The following MAP2 variants were observed in gnomAD, a reference collection of about 807,000 sequenced individuals.
The protein encoded by MAP2 is microtubule-associated protein 2.
Under a neutral mutation model 137.6 loss-of-function variants are expected in MAP2, and 14 were observed. The observed-to-expected ratio is 0.10, with a 90% CI of 0.07 to 0.16. The LOEUF (loss-of-function observed/expected upper bound fraction) is 0.16, where lower values mean the gene tolerates loss of function less well. Ranked by LOEUF, MAP2 falls within the 10% of genes least tolerant of loss-of-function variation. The pLI is 1.00. For synonymous variants in MAP2, 786 were observed against 782.3 expected, an observed-to-expected ratio of 1.00 and a Z score of -0.08; for missense variants, 2,088 against 2,191.5, an observed-to-expected ratio of 0.95 and a Z score of 0.94.
intron 7 of MAP2, among the ~76,000 whole-genome samples, chr2:209,688,695 G>A (rs1191932493): frequency 6.6e-6 from 1 of 152,148 alleles, no homozygotes; most frequent in Non-Finnish European, 1.5e-5. Context: ...TAGGTGATGG[G>A]CTGCAATGTG....
At position 209,653,188 on chromosome 2, in the gene MAP2, A is replaced by C; in HGVS notation, c.18A>C (p.Lys6Asn). The C allele has an allele frequency of 6.3e-7, 1 of 1,598,462 alleles. No homozygotes were observed. Among genetic ancestry groups the C allele is most frequent in the East Asian group, 2.2e-5 (1 of 44,700 alleles). MADERKDEAKAPHWTS... is the reference protein window; with the variant it reads MADERNDEAKAPHWTS... ...ATTGAAGAATGGCAGATGAACGGAA[A>C]GATGAAGCAAAGGCACCTCACTGGA... Residue 6 changes from lysine to asparagine, a missense_variant, in exon 5 of 16, where the codon AAA becomes AAC. Coordinates refer to ENST00000682079, the MANE Select transcript of MAP2 (RefSeq NM_001375505.1).
At chr2:209,506,900 A>G (rs745631081) in intron 1 of MAP2, among the ~76,000 whole-genome samples, 20 of 152,176 alleles carry the variant, frequency 1.3e-4, no homozygotes, top group Non-Finnish European at 2.9e-4. Context: ...AAAGAACAGA[A>G]ATTTATTTTT....
chr2:209,454,864 A>G (rs760297840), intron 1 of MAP2, among the ~76,000 whole-genome samples: 1 of 152,166 alleles, frequency 6.6e-6, no homozygotes, highest in Non-Finnish European at 1.5e-5. Flanking sequence ...AAAATACCAT[A>G]GATTGTGTGT....
intron 1 of MAP2, among the ~76,000 whole-genome samples, chr2:209,470,876 G>C (rs541242645): frequency 6.6e-6 from 1 of 152,096 alleles, no homozygotes; most frequent in African/African-American, 2.4e-5. Context: ...ACACAAACAC[G>C]GTCTTGCTTT....
At chr2:209,588,442 T>A (rs917087266) in intron 3 of MAP2, among the ~76,000 whole-genome samples, 3 of 152,210 alleles carry the variant, frequency 2.0e-5, no homozygotes, top group Non-Finnish European at 4.4e-5. Context: ...AAAAGCCAGA[T>A]GTACATTGAT....
At chr2:209,558,422 C>T (rs2071185170) in intron 2 of MAP2, among the ~76,000 whole-genome samples, 1 of 152,074 alleles carries the variant, frequency 6.6e-6, no homozygotes, top group Non-Finnish European at 1.5e-5. Flanking sequence ...CTCTTGACCT[C>T]AGGTGATCTG....
chr2:209,583,403 T>A (rs1030160712), intron 3 of MAP2, among the ~76,000 whole-genome samples: 2 of 152,118 alleles, frequency 1.3e-5, no homozygotes, highest in African/African-American at 4.8e-5. Context: ...TTGAATTGCA[T>A]AATCTATATA....
At position 209,705,574 on chromosome 2, in the gene MAP2, A is replaced by T; in HGVS notation, c.4585-6A>T. The T allele has an allele frequency of 6.3e-7, 1 of 1,596,224 alleles. No homozygotes were observed. The highest frequency in any genetic ancestry group is 8.5e-7 in the Non-Finnish European group (1 of 1,172,778). On this transcript the variant is annotated splice_polypyrimidine_tract_variant and splice_region_variant and intron_variant, in intron 11 of 15. Coordinates refer to ENST00000682079, the MANE Select transcript of MAP2 (RefSeq NM_001375505.1). The stretch of plus-strand genomic sequence containing the variant: ...ACCCAATGTTCTTTTTGTTTTCTCC[A>T]ATCAGGACGGAGTAACCAAGAGCCC...
intron 2 of MAP2, among the ~76,000 whole-genome samples, chr2:209,554,297 G>C (rs1333180801): frequency 6.6e-6 from 1 of 152,106 alleles, no homozygotes; most frequent in African/African-American, 2.4e-5. Flanking sequence ...GAAATCCCCT[G>C]TTTATTCTGC....
chr2:209,484,973 C>A (rs1024134553), intron 1 of MAP2, among the ~76,000 whole-genome samples: 15 of 152,200 alleles, frequency 9.9e-5, no homozygotes, highest in Admixed American at 9.8e-4. Context: ...AACGCGATAG[C>A]AGTTGTGCAC....
chr2:209,518,905 T>A (rs557620061), intron 2 of MAP2, among the ~76,000 whole-genome samples: 1 of 152,222 alleles, frequency 6.6e-6, no homozygotes, highest in Non-Finnish European at 1.5e-5. Flanking sequence ...AGCTTGTTTA[T>A]AATTAAAGAT....
chr2:209,531,800 G>T (rs1340278426), intron 2 of MAP2, among the ~76,000 whole-genome samples: 1 of 152,120 alleles, frequency 6.6e-6, no homozygotes, highest in Non-Finnish European at 1.5e-5. Context: ...ATGGTATTGG[G>T]CATTGACCAA....
chr2:209,616,926 A>G (rs1437779750), intron 3 of MAP2, among the ~76,000 whole-genome samples: 1 of 152,210 alleles, frequency 6.6e-6, no homozygotes, highest in Non-Finnish European at 1.5e-5. Flanking sequence ...TCTCATAATT[A>G]TAGACTAGGC....
intron 4 of MAP2, among the ~76,000 whole-genome samples, chr2:209,639,915 G>C (rs925158484): frequency 6.6e-6 from 1 of 152,064 alleles, no homozygotes; most frequent in Admixed American, 6.6e-5. Context: ...GGGAGACATA[G>C]AGTAGAGAGG....
At chr2:209,567,980 C>A (rs1578495106) in intron 2 of MAP2, among the ~76,000 whole-genome samples, 1 of 152,072 alleles carries the variant, frequency 6.6e-6, no homozygotes. Flanking sequence ...CATCTTTATT[C>A]TTTGGTTCCA....
chr2:209,729,552 T>C (rs2153818737), intron 14 of MAP2, among the ~76,000 whole-genome samples: 1 of 152,332 alleles, frequency 6.6e-6, no homozygotes, highest in Non-Finnish European at 1.5e-5. Context: ...TTAGAGTTCT[T>C]GTTATACCAA....
intron 1 of MAP2, among the ~76,000 whole-genome samples, chr2:209,501,315 A>G (rs1210652941): frequency 6.6e-6 from 1 of 152,180 alleles, no homozygotes; most frequent in Admixed American, 6.5e-5. Context: ...TAGCTAAAAG[A>G]TGTCTGCTAT....
chr2:209,682,589 G>A (rs953673782), intron 7 of MAP2, among the ~76,000 whole-genome samples: 6 of 152,134 alleles, frequency 3.9e-5, no homozygotes, highest in African/African-American at 1.4e-4. Flanking sequence ...AAGAGGAAAA[G>A]AATAGGGAGC....
At chr2:209,703,151 T>G (rs1296296336) in intron 11 of MAP2, among the ~76,000 whole-genome samples, 2 of 152,084 alleles carry the variant, frequency 1.3e-5, no homozygotes, top group Non-Finnish European at 1.5e-5. Context: ...TCATAACACA[T>G]CATGCAGACT....
Sources: allele counts gnomAD v4.1 joint callset (sites outside exome capture counted in the v4.1 genomes callset), GRCh38; gene constraint gnomAD v4.1.1; transcripts MANE v1.5; gene names NCBI Gene and HGNC (gene_info 2026-07-23, HGNC 2026-07-21).